The following CNTNAP2 variants were observed in gnomAD, a reference collection of about 807,000 sequenced individuals.
CNTNAP2 encodes the protein contactin-associated protein-like 2.
In CNTNAP2, 98 loss-of-function variants were observed where a neutral mutation model predicts 155.2. The observed-to-expected ratio is 0.63, with a 90% CI of 0.54 to 0.75. The LOEUF is 0.75. Ranked by LOEUF, CNTNAP2 falls within the 30% of genes least tolerant of loss-of-function variation. The pLI is 0.00. For missense variants in CNTNAP2, 1,727 were observed against 1,688.1 expected (o/e 1.02, Z -0.40); for synonymous variants, 651 against 631.2 (o/e 1.03, Z -0.47).
intron 22 of CNTNAP2, among the ~76,000 whole-genome samples, chr7:148,389,010 T>C: frequency 1.3e-5 from 2 of 152,180 alleles, no homozygotes. Flanking sequence ...GGAGGCAGTC[T>C]GCCCATTCTC....
intron 1 of CNTNAP2, among the ~76,000 whole-genome samples, chr7:146,364,805 A>G (rs1417127738): frequency 1.3e-5 from 2 of 152,160 alleles, no homozygotes; most frequent in Non-Finnish European, 2.9e-5. Flanking sequence ...AGACACATAC[A>G]CTACAGGAAC....
At chr7:147,517,372 T>G (rs1407609448) in intron 11 of CNTNAP2, among the ~76,000 whole-genome samples, 3 of 152,164 alleles carry the variant, frequency 2.0e-5, no homozygotes, top group Admixed American at 6.5e-5. Context: ...CAGGGAGAAC[T>G]TCCTTGTTGA....
intron 10 of CNTNAP2, among the ~76,000 whole-genome samples, chr7:147,484,510 T>A (rs1037333338): frequency 6.6e-6 from 1 of 152,262 alleles, no homozygotes; most frequent in African/African-American, 2.4e-5. Context: ...TATGAGCTCT[T>A]CTGCAAGGCT....
intron 21 of CNTNAP2, among the ~76,000 whole-genome samples, chr7:148,350,102 G>A (rs1798401326): frequency 1.3e-5 from 2 of 152,210 alleles, no homozygotes; most frequent in South Asian, 4.1e-4. Flanking sequence ...GAGTTTAGTG[G>A]AGAGATATGG....
intron 8 of CNTNAP2, among the ~76,000 whole-genome samples, chr7:147,264,297 G>T (rs369107318): frequency 1.3e-3 from 196 of 152,180 alleles, no homozygotes; most frequent in African/African-American, 4.5e-3. Context: ...GAGAAGCATG[G>T]AATTTTACAG....
At chr7:147,883,436 C>A (rs1262460092) in intron 13 of CNTNAP2, among the ~76,000 whole-genome samples, 1 of 152,076 alleles carries the variant, frequency 6.6e-6, no homozygotes, top group African/African-American at 2.4e-5. Context: ...AGTTATGACA[C>A]AAGGAATACA....
chr7:147,170,216 G>A (rs948659740), intron 8 of CNTNAP2, among the ~76,000 whole-genome samples: 9 of 152,088 alleles, frequency 5.9e-5, no homozygotes, highest in Non-Finnish European at 1.2e-4. Flanking sequence ...CGGGTGAATG[G>A]TTTTGTGGTG....
chr7:148,135,116 T>C (rs1330533102), intron 16 of CNTNAP2, among the ~76,000 whole-genome samples: 1 of 152,214 alleles, frequency 6.6e-6, no homozygotes, highest in African/African-American at 2.4e-5. Flanking sequence ...TGAAAACTTA[T>C]AATTTTATAT....
chr7:147,921,739 A>G (rs1344998897), intron 14 of CNTNAP2, among the ~76,000 whole-genome samples: 1 of 152,218 alleles, frequency 6.6e-6, no homozygotes, highest in Non-Finnish European at 1.5e-5. Flanking sequence ...TGTTTATGCA[A>G]TATGGGTATT....
At chr7:148,093,293 T>TTCGGAAAATCACAATGTACGTGACTC (rs1301445191) in intron 15 of CNTNAP2, among the ~76,000 whole-genome samples, 19 of 152,320 alleles carry the variant, frequency 1.2e-4, no homozygotes, top group South Asian at 6.2e-4. Flanking sequence ...ATATACTCCT[T>TTCGGAAAATCACAATGTACGTGACTC]TCGGAAAATC....
At chr7:146,317,135 T>A (rs1444385424) in intron 1 of CNTNAP2, among the ~76,000 whole-genome samples, 1 of 152,232 alleles carries the variant, frequency 6.6e-6, no homozygotes, top group African/African-American at 2.4e-5. Flanking sequence ...AATATCTGAT[T>A]ATCATGTTTG....
At chr7:147,844,745 T>G (rs1182597810) in intron 13 of CNTNAP2, among the ~76,000 whole-genome samples, 1 of 60,524 alleles carries the variant, frequency 1.7e-5, no homozygotes, top group Non-Finnish European at 3.1e-5. Flanking sequence ...CATAGATAGC[T>G]CTTATTATTT....
intron 1 of CNTNAP2, among the ~76,000 whole-genome samples, chr7:146,520,993 A>G (rs893381194): frequency 6.6e-6 from 1 of 151,918 alleles, no homozygotes; most frequent in Non-Finnish European, 1.5e-5. Context: ...ATCCTTCAAA[A>G]ATCTTGACTT....
intron 10 of CNTNAP2, among the ~76,000 whole-genome samples, chr7:147,455,658 T>G (rs1265926005): frequency 6.6e-6 from 1 of 152,092 alleles, no homozygotes. Flanking sequence ...TGAAGTAATT[T>G]CATCAATGAA....
intron 1 of CNTNAP2, among the ~76,000 whole-genome samples, chr7:146,143,151 G>A (rs1175646617): frequency 6.6e-6 from 1 of 152,138 alleles, no homozygotes; most frequent in Non-Finnish European, 1.5e-5. Context: ...GGCCCTCTCT[G>A]CACCTCCTAA....
intron 1 of CNTNAP2, among the ~76,000 whole-genome samples, chr7:146,704,511 A>T (rs1460272417): frequency 6.6e-6 from 1 of 152,164 alleles, no homozygotes; most frequent in African/African-American, 2.4e-5. Flanking sequence ...GTCAGGAAAT[A>T]GTTAATGGCA....
At chr7:148,283,323 A>G (rs1424508880) in intron 21 of CNTNAP2, among the ~76,000 whole-genome samples, 1 of 125,788 alleles carries the variant, frequency 7.9e-6, no homozygotes, top group Non-Finnish European at 1.7e-5. Context: ...AAGGAAGGAA[A>G]GAAAGAAAGA....
At chr7:148,297,097 C>T (rs1344677304) in intron 21 of CNTNAP2, among the ~76,000 whole-genome samples, 1 of 148,480 alleles carries the variant, frequency 6.7e-6, no homozygotes, top group African/African-American at 2.5e-5. Context: ...AAAATCAGAT[C>T]AGATAACCAA....
At chr7:146,460,880 G>A (rs1034387433) in intron 1 of CNTNAP2, among the ~76,000 whole-genome samples, 2 of 152,156 alleles carry the variant, frequency 1.3e-5, no homozygotes, top group African/African-American at 4.8e-5. Context: ...CATAAGATAA[G>A]TCAGTTCTAC....
Sources: gnomAD v4.1 joint callset for allele counts (sites outside exome capture counted in the v4.1 genomes callset) on GRCh38, gnomAD v4.1.1 for gene constraint, MANE v1.5 for transcripts, NCBI Gene and HGNC (gene_info 2026-07-23, HGNC 2026-07-21) for gene names.